The following ISM1 variants were observed in gnomAD, a reference collection of about 807,000 sequenced individuals.
ISM1 encodes isthmin 1.
A neutral mutation model predicts 46.3 loss-of-function variants in ISM1; 25 were observed. The ratio of observed to expected loss-of-function variants is 0.54; its 90% CI spans 0.39 to 0.75. The LOEUF is 0.75. ISM1 is among the 30% of genes least tolerant of loss of function. ISM1 has a pLI of 0.00. For missense variants in ISM1, 536 were observed against 625.4 expected, an observed-to-expected ratio of 0.86 and a Z score of 1.52; for synonymous variants, 255 against 256.7, an observed-to-expected ratio of 0.99 and a Z score of 0.06.
At chr20:13,304,725 C>T (rs1046839306), downstream of ISM1, among the ~76,000 whole-genome samples, 2 of 152,166 alleles carry the variant, frequency 1.3e-5, no homozygotes, top group African/African-American at 4.8e-5. Context: ...TCAATGAATA[C>T]CCCAACTCCC....
intron 1 of ISM1, among the ~76,000 whole-genome samples, chr20:13,231,657 A>C (rs2039589562): frequency 1.3e-5 from 2 of 152,332 alleles, no homozygotes; most frequent in South Asian, 2.1e-4. Flanking sequence ...TGACTCATGC[A>C]CATTTTAGTA....
chr20:13,282,770 A>G (rs1220894945), intron 3 of ISM1, among the ~76,000 whole-genome samples: 2 of 152,360 alleles, frequency 1.3e-5, no homozygotes, highest in Admixed American at 6.5e-5. Flanking sequence ...TGTGCACATG[A>G]ATAGCCCCGG....
chr20:13,274,816 G>A (rs983663335), intron 2 of ISM1, among the ~76,000 whole-genome samples: 11 of 152,212 alleles, frequency 7.2e-5, no homozygotes, highest in East Asian at 1.9e-4. Context: ...TCTATTTTAA[G>A]ACTGGCTTCA....
In ISM1 at chr20:13,292,400, GC is replaced by G; in HGVS notation, c.816del (p.Thr273ProfsTer3). ...AATTGAAGACACTTTTAGGACAGCTGCCACCGAAGTGAGTCTGCTTGCGGGA... is the reference window on the plus strand; with the variant it reads ...AATTGAAGACACTTTTAGGACAGCTGCACCGAAGTGAGTCTGCTTGCGGGA... The part of the protein sequence containing the change: ...PGIEDTFRTA[A>X]TEVSLLAGSE... On this transcript the variant is annotated frameshift_variant, in exon 5 of 6. Transcript: ENST00000262487. LOFTEE classifies it high-confidence loss of function. The G allele has an allele frequency of 6.2e-7, 1 of 1,606,200 alleles. No homozygotes were observed. Among genetic ancestry groups the G allele is most frequent in the Admixed American group, 1.7e-5 (1 of 59,120 alleles).
At chr20:13,259,037 C>T (rs1336469187) in intron 1 of ISM1, among the ~76,000 whole-genome samples, 1 of 152,150 alleles carries the variant, frequency 6.6e-6, no homozygotes, top group East Asian at 1.9e-4. Flanking sequence ...AATCCCAACA[C>T]TTTGGGAGGC....
intron 1 of ISM1, among the ~76,000 whole-genome samples, chr20:13,252,729 T>C (rs1853192): frequency 0.39 from 59,608 of 151,726 alleles, 12,720 homozygotes; most frequent in African/African-American, 0.58. Flanking sequence ...GCACTCCAGC[T>C]TGGGCAACAG....
At chr20:13,230,974 A>G (rs1001662492) in intron 1 of ISM1, among the ~76,000 whole-genome samples, 1 of 152,156 alleles carries the variant, frequency 6.6e-6, no homozygotes, top group African/African-American at 2.4e-5. Context: ...CTCACTGCCC[A>G]TTGTGGTCCC....
intron 1 of ISM1, among the ~76,000 whole-genome samples, chr20:13,240,957 G>A (rs1212074564): frequency 1.3e-5 from 2 of 152,188 alleles, no homozygotes; most frequent in African/African-American, 4.8e-5. Context: ...GAAGATAATA[G>A]CAGGGAGGCT....
At chr20:13,223,798 A>T (rs1173621232) in intron 1 of ISM1, among the ~76,000 whole-genome samples, 10 of 152,172 alleles carry the variant, frequency 6.6e-5, no homozygotes. Flanking sequence ...AATATCTTCA[A>T]GATTTCTGGA....
the ISM1 span, among the ~76,000 whole-genome samples, chr20:13,326,562 A>G: frequency 3.0e-3 from 463 of 152,170 alleles, 2 homozygotes; most frequent in African/African-American, 0.01. Context: ...TCTAATAGGT[A>G]TATAGTGGTA....
the ISM1 span, among the ~76,000 whole-genome samples, chr20:13,326,663 T>C: frequency 4.8e-3 from 726 of 152,306 alleles, 4 homozygotes; most frequent in African/African-American, 0.017. Flanking sequence ...TCCTTTTTGA[T>C]GGTATGCCCA....
intron 5 of ISM1, among the ~76,000 whole-genome samples, chr20:13,297,317 A>G (rs2040416375): frequency 1.3e-5 from 2 of 152,162 alleles, no homozygotes; most frequent in Non-Finnish European, 2.9e-5. Context: ...CATGTTCTCT[A>G]TGCGGTTTCC....
chr20:13,288,602 G>A lies in ISM1; in HGVS notation c.706G>A (p.Gly236Ser), dbSNP rs1337296441. The A allele has an allele frequency of 1.9e-6, 3 of 1,613,962 alleles. No individual in the cohort carries two copies. Among genetic ancestry groups the A allele is most frequent in the Admixed American group, 1.7e-5 (1 of 60,020 alleles). ...TGTCTGCAGCGTCACCTGCGGGAAC[G>A]GCAACCAGAAACGGACCCGGTCTTG... ...WSVCSVTCGN[G>S]NQKRTRSCGY... is the part of the protein sequence containing the mutation. Residue 236 changes from glycine (G) to serine (S), a missense_variant, in exon 4 of 6, where the codon GGC becomes AGC. Gly to Ser is a moderately conservative substitution (Grantham distance 56). Around this residue, in one of 2 missense-constraint regions of ISM1, gnomAD observed 367 missense variants for 376.1 expected, o/e 0.98. Transcript: ENST00000262487.
chr20:13,272,788 C>T (rs1283361885), intron 2 of ISM1, among the ~76,000 whole-genome samples: 2 of 152,226 alleles, frequency 1.3e-5, no homozygotes, highest in Non-Finnish European at 2.9e-5. Flanking sequence ...AAGGAAGGCA[C>T]TGACTTCATA....
At chr20:13,264,896 G>T (rs2040026237) in intron 1 of ISM1, among the ~76,000 whole-genome samples, 1 of 152,166 alleles carries the variant, frequency 6.6e-6, no homozygotes, top group Admixed American at 6.5e-5. Flanking sequence ...TGAGGAAGGA[G>T]GGATGAGATC....
intron 1 of ISM1, among the ~76,000 whole-genome samples, chr20:13,268,054 T>C (rs765050174): frequency 6.6e-6 from 1 of 152,210 alleles, no homozygotes; most frequent in Admixed American, 6.5e-5. Context: ...TATCTCCCCT[T>C]TGGGATGTCA....
the ISM1 span, among the ~76,000 whole-genome samples, chr20:13,312,908 T>C: frequency 6.6e-6 from 1 of 152,210 alleles, no homozygotes; most frequent in South Asian, 2.1e-4. Flanking sequence ...AATGTGGAAA[T>C]GGTATCTTTG....
chr20:13,278,146 G>A (rs547078041), intron 2 of ISM1, among the ~76,000 whole-genome samples: 5 of 152,314 alleles, frequency 3.3e-5, no homozygotes, highest in African/African-American at 7.2e-5. Context: ...AGAGCTATGC[G>A]ATGGCCAAAG....
At chr20:13,237,115 C>T (rs1364652424) in intron 1 of ISM1, among the ~76,000 whole-genome samples, 1 of 152,102 alleles carries the variant, frequency 6.6e-6, no homozygotes, top group Admixed American at 6.5e-5. Flanking sequence ...GGACCCTGCC[C>T]CTGCAGCACA....
Sources: allele counts gnomAD v4.1 joint callset (sites outside exome capture counted in the v4.1 genomes callset), GRCh38; gene constraint gnomAD v4.1.1; regional missense constraint gnomAD v4.1.1; transcripts MANE v1.5; gene names NCBI Gene and HGNC (gene_info 2026-07-23, HGNC 2026-07-21).